Variants in PZP observed in about 807,000 individuals in gnomAD.
PZP encodes pregnancy zone protein.
A neutral mutation model predicts 179.8 loss-of-function variants in PZP; 150 were observed. That is an observed-to-expected ratio of 0.83 (90% CI 0.73 to 0.96). The LOEUF (loss-of-function observed/expected upper bound fraction) is 0.96, where lower values mean the gene tolerates loss of function less well. Among genes scored for constraint, PZP ranks in the 40% least tolerant of loss-of-function variants. The pLI is 0.00. For missense variants in PZP, 1,689 were observed against 1,764.0 expected (o/e 0.96, Z 0.76); for synonymous variants, 624 against 652.3 (o/e 0.96, Z 0.66).
At chr12:9,173,636 A>G (rs1780352652) in intron 15 of PZP, among the ~76,000 whole-genome samples, 1 of 152,190 alleles carries the variant, frequency 6.6e-6, no homozygotes, top group African/African-American at 2.4e-5. Context: ...ATCAGAAATG[A>G]TAGGGGAATA....
intron 14 of PZP, 63 bp from the exon 15 acceptor site, chr12:9,181,195 T>C: frequency 2.5e-6 from 4 of 1,604,546 alleles, no homozygotes; most frequent in Admixed American, 1.7e-5. Context: ...TGCAGTCACC[T>C]GCATTTCCTA....
downstream of PZP, among the ~76,000 whole-genome samples, chr12:9,146,640 G>T (rs1940024113): frequency 7.1e-6 from 1 of 140,082 alleles, no homozygotes; most frequent in Non-Finnish European, 1.6e-5. Flanking sequence ...GACTAGTCTT[G>T]TATAGGAGAA....
At chr12:9,169,717 A>G in intron 15 of PZP, 126 bp from the exon 16 acceptor site, 1 of 871,394 alleles carries the variant, frequency 1.1e-6, no homozygotes, top group Non-Finnish European at 1.6e-6. Context: ...TTGGTACCTT[A>G]GAGATAGTTG....
At chr12:9,205,424 T>C (rs769914549) in intron 1 of PZP, among the ~76,000 whole-genome samples, 1 of 152,308 alleles carries the variant, frequency 6.6e-6, no homozygotes, top group South Asian at 2.1e-4. Context: ...GCTGTCTCTG[T>C]ATTAAGCCAT....
intron 15 of PZP, among the ~76,000 whole-genome samples, chr12:9,179,356 T>C (rs1942605847): frequency 6.6e-6 from 1 of 152,108 alleles, no homozygotes; most frequent in Non-Finnish European, 1.5e-5. Context: ...TCCTTCTGTT[T>C]CCCCAGCTTT....
At chr12:9,198,969 G>T (rs1019265603) in intron 7 of PZP, among the ~76,000 whole-genome samples, 1 of 152,114 alleles carries the variant, frequency 6.6e-6, no homozygotes, top group Non-Finnish European at 1.5e-5. Context: ...CTGTTTGTTT[G>T]TAGGCTATCA....
chr12:9,174,193 G>A (rs188692273), intron 15 of PZP, among the ~76,000 whole-genome samples: 356 of 152,164 alleles, frequency 2.3e-3, no homozygotes, highest in Non-Finnish European at 3.5e-3. Flanking sequence ...CAATAAGTGC[G>A]ATTCATTACA....
Position 9,148,946 on chromosome 12 carries a change from A to G in PZP, c.*26T>C, listed in dbSNP as rs766656156. 1 of 1,594,990 alleles carries G rather than the reference A, an allele frequency of 6.3e-7. No individual in the cohort carries two copies. Among genetic ancestry groups the G allele is most frequent in the Non-Finnish European group, 8.6e-7 (1 of 1,162,888 alleles). ...AGTAAATGTATAGGACAGAGAATCC[A>G]CCAAAATATACAGCCTGTATGGTCC... On this transcript the variant is annotated 3_prime_UTR_variant, in exon 36 of 36. Coordinates refer to ENST00000261336, the MANE Select transcript of PZP (RefSeq NM_002864.3).
chr12:9,172,884 T>A (rs752749141), intron 15 of PZP, among the ~76,000 whole-genome samples: 5 of 152,206 alleles, frequency 3.3e-5, no homozygotes, highest in Non-Finnish European at 7.3e-5. Context: ...AGCGAGAGAC[T>A]TTAACACACC....
rs1943528457 is a variant in PZP at position 9,192,676 on chromosome 12, CA to C, written c.1317del (p.Ala440LeufsTer11). 5 of 1,613,966 alleles carry C rather than the reference CA, an allele frequency of 3.1e-6. No homozygotes were observed. The highest frequency in any genetic ancestry group is 8.5e-7 in the Non-Finnish European group (1 of 1,179,842). On this transcript the variant is annotated frameshift_variant, in exon 12 of 36. Coordinates refer to ENST00000261336, the MANE Select transcript of PZP (RefSeq NM_002864.3). LOFTEE classifies it high-confidence loss of function. ...AAAACACGATTTGCAGTGTGCTGAG[CA>C]CCCTGGTGGTCTTCTGCTACCCATG... ...HYSWVAEDHQ[G>X]AQHTANRVFS...
At position 9,165,248 on chromosome 12, in the gene PZP, C is replaced by G. The variant is rs149546006; in HGVS notation, c.2378G>C (p.Arg793Pro). 4.3e-6 allele frequency: 7 copies of G among 1,614,018 alleles called. No homozygotes were observed. The highest frequency in any genetic ancestry group is 5.9e-6 in the Non-Finnish European group (7 of 1,180,028). The change falls in exon 19 of 36, where the codon CGA (arginine) becomes CCA (proline). Residue 793 changes from arginine to proline, a missense_variant. Physicochemically the swap from Arg to Pro is moderately radical, Grantham distance 103. Transcript: ENST00000261336. ...GLGISSTASL[R>P]AFQPFFVELT... Reference sequence around the variant, plus strand: ...CTCCACAAAGAAGGGCTGGAAGGCTCGGAGAGAGGCAGTGGAAGAGATACC... The same window carrying G: ...CTCCACAAAGAAGGGCTGGAAGGCTGGGAGAGAGGCAGTGGAAGAGATACC...
chr12:9,141,629 T>C, the PZP span, among the ~76,000 whole-genome samples: 1 of 152,220 alleles, frequency 6.6e-6, no homozygotes, highest in Non-Finnish European at 1.5e-5. Context: ...TTTTATTTTA[T>C]TCAACTTAAA....
chr12:9,194,385 G>A (rs1191073955), intron 10 of PZP, 147 bp from the exon 11 acceptor site: 1 of 601,592 alleles, frequency 1.7e-6, no homozygotes, highest in Non-Finnish European at 2.8e-6. Context: ...ACGACAAAAT[G>A]TTTCCTTCCA....
chr12:9,175,957 G>A (rs1448034967), intron 15 of PZP, among the ~76,000 whole-genome samples: 1 of 152,084 alleles, frequency 6.6e-6, no homozygotes, highest in Admixed American at 6.5e-5. Context: ...TCCATTACTG[G>A]GTGTATAGCC....
rs976159358 is a variant in PZP at position 9,151,637 on chromosome 12, C to T, written c.4248G>A (p.Val1416=). The T allele has an allele frequency of 9.9e-6, 16 of 1,613,770 alleles. No individual in the cohort carries two copies. In the African/African-American group the frequency reaches 1.6e-4, roughly 16 times the overall value. The part of the protein sequence containing the change: ...ERSSSVSRTE[V]SNNHVLIYVE... ...CATAAATGAGGACATGGTTGTTGCT[C>T]ACTTCTGTCCGGCTCACAGAGCTAG... is the stretch of plus-strand genomic sequence containing the variant. The change falls in exon 33 of 36, where the codon GTG becomes GTA. Residue 1416 remains valine, a synonymous_variant. Transcript: ENST00000261336.
chr12:9,172,338 G>A (rs1336408358), intron 15 of PZP, among the ~76,000 whole-genome samples: 1 of 152,094 alleles, frequency 6.6e-6, no homozygotes, highest in Non-Finnish European at 1.5e-5. Flanking sequence ...AGCTCCTGAA[G>A]AAAGCACTAC....
chr12:9,160,583 CA>C (rs1941108837), intron 23 of PZP, 93 bp from the exon 24 acceptor site: 17 of 1,161,484 alleles, frequency 1.5e-5, no homozygotes, highest in Admixed American at 4.2e-5. Context: ...CAGAGTCTAT[CA>C]TTTAGGTAAG....
chr12:9,161,415 T>A (rs1941195183), intron 22 of PZP, among the ~76,000 whole-genome samples: 2 of 152,228 alleles, frequency 1.3e-5, no homozygotes, highest in Non-Finnish European at 2.9e-5. Context: ...GTGCAAGGAA[T>A]AAGAATTTGA....
chr12:9,177,229 C>T (rs567732811), intron 15 of PZP, among the ~76,000 whole-genome samples: 11 of 152,322 alleles, frequency 7.2e-5, no homozygotes, highest in Middle Eastern at 3.4e-3. Flanking sequence ...ACTCTTGGAA[C>T]GCATTAGCTC....
Sources: allele counts gnomAD v4.1 joint callset (sites outside exome capture counted in the v4.1 genomes callset), GRCh38; gene constraint gnomAD v4.1.1; transcripts MANE v1.5; gene names NCBI Gene and HGNC (gene_info 2026-07-23, HGNC 2026-07-21).